Variants in SF3B3 observed in about 807,000 individuals in gnomAD.
SF3B3 encodes the protein SAP 130.
A neutral mutation model predicts 139.2 loss-of-function variants in SF3B3; 33 were observed. That is an observed-to-expected ratio of 0.24 (90% CI 0.18 to 0.32). The LOEUF (loss-of-function observed/expected upper bound fraction) is 0.32, where lower values mean the gene tolerates loss of function less well. Among genes scored for constraint, SF3B3 ranks in the 10% least tolerant of loss-of-function variants. SF3B3 has a pLI of 1.00. For missense variants in SF3B3, 818 were observed against 1,509.4 expected, an observed-to-expected ratio of 0.54 and a Z score of 7.59; for synonymous variants, 596 against 563.6, an observed-to-expected ratio of 1.06 and a Z score of -0.81.
intron 15 of SF3B3, 108 bp downstream of exon 15, chr16:70,557,137 C>A (rs938387904): frequency 8.2e-6 from 10 of 1,218,456 alleles, no homozygotes; most frequent in Non-Finnish European, 1.1e-5. Context: ...CAGATCCTCA[C>A]CTTATGAAAA....
intron 24 of SF3B3, among the ~76,000 whole-genome samples, 181 bp downstream of exon 24, chr16:70,570,330 T>A (rs2050516243): frequency 7.7e-6 from 1 of 130,136 alleles, no homozygotes; most frequent in African/African-American, 2.8e-5. Flanking sequence ...GGAAGGCCAT[T>A]TGGTTTTTTT....
intron 17 of SF3B3, 162 bp from the exon 18 acceptor site, chr16:70,563,714 A>G (rs1318397026): frequency 6.4e-6 from 4 of 620,324 alleles, no homozygotes; most frequent in Non-Finnish European, 1.1e-5. Flanking sequence ...CTGTGTCTGC[A>G]TCGCAGAGTT....
chr16:70,555,385 A>G (rs2050369809), intron 13 of SF3B3, among the ~76,000 whole-genome samples, 179 bp downstream of exon 13: 1 of 149,996 alleles, frequency 6.7e-6, no homozygotes, highest in Non-Finnish European at 1.5e-5. Flanking sequence ...AGGCTGAGGC[A>G]GGAGAATTGC....
Position 70,530,835 on chromosome 16 carries a change from C to T in SF3B3, c.488C>T (p.Ala163Val). The change falls in exon 4 of 26, where the codon GCA becomes GTA. Residue 163 changes from alanine (A) to valine (V), a missense_variant. Physicochemically the swap from Ala to Val is moderately conservative, Grantham distance 64. Coordinates refer to ENST00000302516, the MANE Select transcript of SF3B3 (RefSeq NM_012426.5). ...TCATCTCCCCTGGAAGCCCACAAAG[C>T]AAACACTTTAGTGTATCATGTAGTT... is the stretch of plus-strand genomic sequence containing the variant. ...TISSPLEAHK[A>V]NTLVYHVVGV... 6.2e-7 allele frequency: 1 copy of T among 1,614,114 alleles called. No homozygotes were observed. The highest frequency in any genetic ancestry group is 8.5e-7 in the Non-Finnish European group (1 of 1,179,968).
At position 70,568,491 on chromosome 16, in the gene SF3B3, G is replaced by T; in HGVS notation, c.3161G>T (p.Cys1054Phe). Residue 1054 changes from cysteine to phenylalanine, a missense_variant, in exon 22 of 26, where the codon TGT (cysteine) becomes TTT (phenylalanine). This residue lies in a region of SF3B3 where 91 missense variants were observed against 171.8 expected (regional missense o/e 0.53). Transcript: ENST00000302516. ...VAGADKFGNI[C>F]VVRLPPNTND... is the part of the protein sequence containing the mutation. The stretch of plus-strand genomic sequence containing the variant: ...GGGGCAGACAAGTTTGGCAACATAT[G>T]TGTGGTGAGTTGATGTTGTTAACTT... The T allele has an allele frequency of 6.2e-7, 1 of 1,612,736 alleles. No individual in the cohort carries two copies. Among genetic ancestry groups the T allele is most frequent in the South Asian group, 1.1e-5 (1 of 90,998 alleles).
chr16:70,541,521 C>T, intron 8 of SF3B3, 148 bp from the exon 9 acceptor site: 1 of 572,456 alleles, frequency 1.7e-6, no homozygotes, highest in Non-Finnish European at 3.0e-6. Context: ...GAAACAAATC[C>T]TAGCTGTCGT....
At chr16:70,527,015 G>A in intron 2 of SF3B3, 1 of 392,636 alleles carries the variant, frequency 2.5e-6, no homozygotes, top group Non-Finnish European at 4.6e-6. Flanking sequence ...ACTGAGATGT[G>A]TAAGACCTGA....
chr16:70,539,926 G>A (rs897575142), intron 8 of SF3B3, among the ~76,000 whole-genome samples: 1 of 151,274 alleles, frequency 6.6e-6, no homozygotes, highest in Non-Finnish European at 1.5e-5. Context: ...GCAGGCATGC[G>A]TCACTATGCC....
intron 4 of SF3B3, 91 bp from the exon 5 acceptor site, chr16:70,532,388 G>GT: frequency 1.2e-6 from 1 of 819,614 alleles, no homozygotes; most frequent in South Asian, 2.0e-5. Flanking sequence ...GTGGACTTCT[G>GT]TTTCCTCATT....
chr16:70,568,238 C>A, intron 21 of SF3B3, 45 bp from the exon 22 acceptor site: 1 of 1,472,580 alleles, frequency 6.8e-7, no homozygotes, highest in Non-Finnish European at 9.5e-7. Flanking sequence ...GGGTTCTGAA[C>A]CCCAAGATTA....
chr16:70,565,033 G>A (rs767624021), intron 18 of SF3B3, 32 bp from the exon 19 acceptor site: 44 of 1,608,084 alleles, frequency 2.7e-5, no homozygotes, highest in Non-Finnish European at 3.5e-5. Context: ...CTCTGAGCAC[G>A]CCAACTCAGT....
In SF3B3 at chr16:70,565,281, C is replaced by T. The variant is rs568767394; in HGVS notation, c.2669+11C>T. 1.9e-6 allele frequency: 3 copies of T among 1,614,070 alleles called. No homozygotes were observed. The highest frequency in any genetic ancestry group is 1.7e-5 in the Admixed American group (1 of 60,022). ...TGAGGCAGCTTTTAGGTAAGCAGCC[C>T]AGGACAGTCCAGGGTTTGGCAGGCT... On this transcript the variant is annotated intron_variant, in intron 19 of 25. Transcript: ENST00000302516.
At position 70,553,576 on chromosome 16, in the gene SF3B3, A is replaced by C. The variant is rs572169582; in HGVS notation, c.1403-870A>C. Among the ~76,000 whole-genome samples, 34 of 152,288 alleles carry C rather than the reference A, an allele frequency of 2.2e-4. No homozygotes were observed. In the South Asian group the frequency reaches 6.8e-3, roughly 31 times the overall value. ...TCTTTTAAAAAATTAGCATGCCTTT[A>C]GTCAACATTTATCAAGCTTTACGCC... On this transcript the variant is annotated intron_variant, in intron 11 of 25. Transcript: ENST00000302516.
rs1036733140 is a variant in SF3B3 at position 70,538,590 on chromosome 16, G to A, written c.963+130G>A. The A allele has an allele frequency of 1.2e-5, 9 of 720,206 alleles. No individual in the cohort carries two copies. In the African/African-American group the frequency reaches 1.6e-4, roughly 13 times the overall value. 44.6% of individuals were successfully genotyped at this position (720,206 alleles called of 1,614,324 possible). A position where few individuals can be genotyped will look rare whatever the true frequency, so the allele number is the denominator to read the frequency against. On this transcript the variant is annotated intron_variant, in intron 7 of 25. Coordinates refer to ENST00000302516, the MANE Select transcript of SF3B3 (RefSeq NM_012426.5). ...CCCTTGGAACCGGTATATGAGTATA[G>A]ATTTTCTCTCTGGTTATCAGATTTT...
intron 24 of SF3B3, among the ~76,000 whole-genome samples, chr16:70,570,722 C>T (rs2050521342): frequency 6.6e-6 from 1 of 152,184 alleles, no homozygotes; most frequent in Admixed American, 6.5e-5. Flanking sequence ...GAACTGGACT[C>T]CACAGACTAG....
In SF3B3 at chr16:70,575,081, C is replaced by T. The variant is rs913725191; in HGVS notation, c.*3268C>T. On this transcript the variant is annotated 3_prime_UTR_variant, in exon 26 of 26. Coordinates refer to ENST00000302516, the MANE Select transcript of SF3B3 (RefSeq NM_012426.5). ...ACATTTGAGTGATCTGGTAGCCCAA[C>T]ACACCCTGTGAAGTTCAGGTGAACT... 6.6e-6 allele frequency: 1 copy of T among 152,086 alleles called. No homozygotes were observed. Among genetic ancestry groups the T allele is most frequent in the Non-Finnish European group, 1.5e-5 (1 of 68,036 alleles). The allele number at this position is 152,086 out of a possible 1,614,324, so 9.4% of individuals were successfully genotyped here. A position where few individuals can be genotyped will look rare whatever the true frequency, so the allele number is the denominator to read the frequency against.
chr16:70,543,674 C>G (rs748355392), intron 9 of SF3B3, among the ~76,000 whole-genome samples: 1 of 152,034 alleles, frequency 6.6e-6, no homozygotes, highest in Non-Finnish European at 1.5e-5. Context: ...TGCCACTGTA[C>G]TCTAACCTCG....
At chr16:70,547,668 A>G (rs1342335588) in intron 10 of SF3B3, among the ~76,000 whole-genome samples, 3 of 152,168 alleles carry the variant, frequency 2.0e-5, no homozygotes, top group Non-Finnish European at 4.4e-5. Context: ...ATCTCAGCTC[A>G]CCGCAACCTC....
At chr16:70,540,010 A>G (rs2151781511) in intron 8 of SF3B3, among the ~76,000 whole-genome samples, 1 of 150,868 alleles carries the variant, frequency 6.6e-6, no homozygotes, top group East Asian at 2.0e-4. Context: ...TTCCGACCTC[A>G]GGTGATCGCC....
Sources: gnomAD v4.1 joint callset for allele counts (sites outside exome capture counted in the v4.1 genomes callset) on GRCh38, gnomAD v4.1.1 for gene constraint, gnomAD v4.1.1 regional missense constraint, MANE v1.5 for transcripts, NCBI Gene and HGNC (gene_info 2026-07-23, HGNC 2026-07-21) for gene names.